SLC36A1: variants seen among roughly 807,000 people sequenced by gnomAD.
The protein encoded by SLC36A1 is solute carrier family 36 member 1.
A neutral mutation model predicts 47.5 loss-of-function variants in SLC36A1; 30 were observed. The observed-to-expected ratio is 0.63, with a 90% CI of 0.47 to 0.86. The LOEUF is 0.86. Ranked by LOEUF, SLC36A1 falls within the 40% of genes least tolerant of loss-of-function variation. SLC36A1 has a pLI of 0.00. For synonymous variants in SLC36A1, 255 were observed against 249.7 expected (o/e 1.02, Z -0.20); for missense variants, 517 against 606.0 (o/e 0.85, Z 1.54).
rs766773887 is a variant in SLC36A1, at chr5:151,479,431, C to T, written c.1101C>T (p.Pro367=). ...TCCCCTTCTTTGTGTCCCGAGCGCC[C>T]GAGCACTGTGAGTTAGTGGTGGACC... ...IIIPFFVSRA[P]EHCELVVDLF... Residue 367 remains proline, a synonymous_variant, in exon 10 of 11, where the codon CCC becomes CCT. Transcript: ENST00000243389. The T allele has an allele frequency of 6.2e-6, 10 of 1,614,082 alleles. No individual in the cohort carries two copies. The highest frequency in any genetic ancestry group is 4.4e-5 in the South Asian group (4 of 91,080).
chr5:151,383,804 C>T, the SLC36A1 span, among the ~76,000 whole-genome samples: 1 of 152,072 alleles, frequency 6.6e-6, no homozygotes, highest in Admixed American at 6.5e-5. Flanking sequence ...AACTCCTGAC[C>T]TCAGGTGATC....
chr5:151,378,648 C>A, the SLC36A1 span: 1 of 159,402 alleles, frequency 6.3e-6, no homozygotes, highest in Non-Finnish European at 1.4e-5. Context: ...CATCATCTCT[C>A]ATAGTAGCTG....
chr5:151,507,893 A>G, the SLC36A1 span, among the ~76,000 whole-genome samples: 1,639 of 152,258 alleles, frequency 0.011, 31 homozygotes, highest in African/African-American at 0.037. Context: ...ACTCTCTATC[A>G]TGAGGTCGGA....
the SLC36A1 span, among the ~76,000 whole-genome samples, chr5:151,533,629 G>C: frequency 1.3e-5 from 2 of 152,014 alleles, no homozygotes; most frequent in Admixed American, 6.6e-5. Context: ...TCATTTTCCT[G>C]TGTTGACCTG....
At chr5:151,363,395 T>C in the SLC36A1 span, among the ~76,000 whole-genome samples, 17 of 152,270 alleles carry the variant, frequency 1.1e-4, no homozygotes, top group South Asian at 3.3e-3. Context: ...GAAATCTGAT[T>C]GTCTTACTGT....
the SLC36A1 span, chr5:151,512,363 A>G: frequency 2.5e-6 from 4 of 1,614,102 alleles, no homozygotes. The surrounding 1 kb of genome is among the most constrained non-coding windows in gnomAD (Gnocchi z 4.1). Flanking sequence ...GAGACATTCG[A>G]GGAAGAATGC....
chr5:151,537,876 T>C, the SLC36A1 span: 1 of 1,614,154 alleles, frequency 6.2e-7, no homozygotes, highest in Non-Finnish European at 8.5e-7. Flanking sequence ...AGTGTCCAAG[T>C]CTGTGGCAGA....
At chr5:151,457,514 C>G (rs1255240480) in intron 1 of SLC36A1, among the ~76,000 whole-genome samples, 1 of 152,088 alleles carries the variant, frequency 6.6e-6, no homozygotes, top group East Asian at 1.9e-4. Context: ...TTTTTTCTCT[C>G]ACCATTTTAA....
the SLC36A1 span, chr5:151,542,598 A>T: frequency 6.2e-7 from 1 of 1,614,214 alleles, no homozygotes; most frequent in Non-Finnish European, 8.5e-7. Flanking sequence ...GCTCATGGAC[A>T]TTGCTACCAG....
intron 5 of SLC36A1, 143 bp downstream of exon 5, chr5:151,465,312 G>A: frequency 5.7e-6 from 4 of 696,728 alleles, no homozygotes; most frequent in South Asian, 3.2e-5. Flanking sequence ...AGCTCTGCTG[G>A]TAGTAAGCTG....
the SLC36A1 span, among the ~76,000 whole-genome samples, chr5:151,427,604 G>C: frequency 6.6e-6 from 1 of 152,154 alleles, no homozygotes; most frequent in South Asian, 2.1e-4. Flanking sequence ...TATGTCTTAG[G>C]AGTAGAGCCT....
chr5:151,482,148 A>G (rs1758883681), intron 10 of SLC36A1, among the ~76,000 whole-genome samples: 1 of 152,228 alleles, frequency 6.6e-6, no homozygotes, highest in African/African-American at 2.4e-5. Context: ...TCGGATTTTT[A>G]GAGGATGAAG....
the SLC36A1 span, among the ~76,000 whole-genome samples, chr5:151,367,361 A>ATATTTTTT: frequency 6.7e-5 from 8 of 118,866 alleles, no homozygotes; most frequent in African/African-American, 2.7e-4. Context: ...CCAGGAATGC[A>ATATTTTTT]TTTTTTTTTT....
the SLC36A1 span, among the ~76,000 whole-genome samples, chr5:151,367,374 T>TTTC: frequency 2.7e-5 from 4 of 145,466 alleles, no homozygotes; most frequent in African/African-American, 5.2e-5. Context: ...TTTTTTTTTT[T>TTTC]CCCCAGGGTA....
chr5:151,532,404 CACACA>C, the SLC36A1 span, among the ~76,000 whole-genome samples: 1 of 152,012 alleles, frequency 6.6e-6, no homozygotes, highest in Non-Finnish European at 1.5e-5. Context: ...CACACACACA[CACACA>C]CACACACACG....
chr5:151,476,789 C>T (rs773022883), intron 9 of SLC36A1, 33 bp downstream of exon 9: 5 of 1,610,532 alleles, frequency 3.1e-6, no homozygotes, highest in Non-Finnish European at 4.2e-6. Context: ...CCTAGGAGCA[C>T]TGGATATTTT....
the SLC36A1 span, among the ~76,000 whole-genome samples, chr5:151,553,572 C>T: frequency 6.6e-6 from 1 of 152,174 alleles, no homozygotes; most frequent in Non-Finnish European, 1.5e-5. Flanking sequence ...GCTGCAGGCA[C>T]GGTGGTGAAC....
the SLC36A1 span, among the ~76,000 whole-genome samples, chr5:151,430,703 A>T: frequency 2.6e-5 from 4 of 152,254 alleles, no homozygotes; most frequent in Admixed American, 2.6e-4. Context: ...ATTTCAGTTG[A>T]TGCTTATTGT....
chr5:151,346,238 A>G, the SLC36A1 span, among the ~76,000 whole-genome samples: 900 of 152,306 alleles, frequency 5.9e-3, 48 homozygotes, highest in East Asian at 0.12. Context: ...ACTTACAGAC[A>G]GCACACTCTC....
Sources: allele counts gnomAD v4.1 joint callset (sites outside exome capture counted in the v4.1 genomes callset), GRCh38; gene constraint gnomAD v4.1.1; non-coding constraint Gnocchi (gnomAD v3.1); transcripts MANE v1.5; gene names NCBI Gene and HGNC (gene_info 2026-07-23, HGNC 2026-07-21).